The following MED27 variants were observed in gnomAD, a reference collection of about 807,000 sequenced individuals.
The protein encoded by MED27 is mediator of RNA polymerase II transcription subunit 27.
A neutral mutation model predicts 38.2 loss-of-function variants in MED27; 30 were observed. The observed-to-expected ratio is 0.79, with a 90% CI of 0.59 to 1.07. The LOEUF (loss-of-function observed/expected upper bound fraction) is 1.07, where lower values mean the gene tolerates loss of function less well. Ranked by LOEUF, MED27 falls within the 50% of genes least tolerant of loss-of-function variation. The probability of loss-of-function intolerance (pLI) is 0.00; values close to 1 mark genes in which losing one functional copy is unlikely to be tolerated. For synonymous variants in MED27, 122 were observed against 153.5 expected, an observed-to-expected ratio of 0.79 and a Z score of 1.52; for missense variants, 289 against 397.5, an observed-to-expected ratio of 0.73 and a Z score of 2.32.
chr9:132,024,716 A>G (rs1399386423), intron 2 of MED27, among the ~76,000 whole-genome samples: 3 of 152,202 alleles, frequency 2.0e-5, no homozygotes, highest in Non-Finnish European at 4.4e-5. Flanking sequence ...ATCAAATCCT[A>G]AGGACAATCG....
At chr9:131,896,857 G>C (rs1829840776) in intron 4 of MED27, among the ~76,000 whole-genome samples, 1 of 152,162 alleles carries the variant, frequency 6.6e-6, no homozygotes, top group Non-Finnish European at 1.5e-5. Flanking sequence ...TCAGCCTCCT[G>C]AGTAGCTGGG....
chr9:132,038,190 T>G (rs1011234369), intron 2 of MED27, among the ~76,000 whole-genome samples: 2 of 137,472 alleles, frequency 1.5e-5, no homozygotes, highest in Non-Finnish European at 3.1e-5. Flanking sequence ...GCATCCTTCT[T>G]TTTTTTTTTT....
intron 6 of MED27, among the ~76,000 whole-genome samples, chr9:131,869,680 G>T (rs1210737627): frequency 6.6e-6 from 1 of 152,182 alleles, no homozygotes; most frequent in African/African-American, 2.4e-5. Context: ...GTGAGGCAGG[G>T]GTCCCTGAAG....
Position 131,872,480 on chromosome 9 carries a change from C to T in MED27, c.724-9340G>A, listed in dbSNP as rs1037530314. Among the ~76,000 whole-genome samples the T allele has an allele frequency of 2.6e-5, 4 of 152,224 alleles. No individual in the cohort carries two copies. The highest frequency in any genetic ancestry group is 9.6e-5 in the African/African-American group (4 of 41,454). On this transcript the variant is annotated intron_variant, in intron 6 of 7. Coordinates refer to ENST00000292035, the MANE Select transcript of MED27 (RefSeq NM_004269.4). The surrounding 1 kb of genome is among the most constrained non-coding windows in gnomAD (Gnocchi z 5.6). ...CTGGTAGGGACCCAGACTGTGGCTT[C>T]CCTCCAGCCAATATCGGCTTCTACG... is the stretch of plus-strand genomic sequence containing the variant.
intron 6 of MED27, among the ~76,000 whole-genome samples, chr9:131,864,130 T>C (rs878861813): frequency 6.6e-6 from 1 of 152,174 alleles, no homozygotes; most frequent in Non-Finnish European, 1.5e-5. Flanking sequence ...ATGTTCAAAG[T>C]AATGGTTTAC....
intron 2 of MED27, among the ~76,000 whole-genome samples, chr9:132,016,480 CAA>C (rs576058237): frequency 8.8e-4 from 134 of 152,230 alleles, no homozygotes; most frequent in African/African-American, 3.1e-3. Flanking sequence ...GAATTTTCCT[CAA>C]ATTTGTTTTT....
At chr9:131,928,882 T>C (rs950808165) in intron 4 of MED27, among the ~76,000 whole-genome samples, 8 of 152,238 alleles carry the variant, frequency 5.3e-5, no homozygotes, top group African/African-American at 1.9e-4. Context: ...AGGGAGACAG[T>C]AGCCTGGGTG....
intron 6 of MED27, among the ~76,000 whole-genome samples, chr9:131,882,686 A>G: frequency 6.6e-6 from 1 of 152,110 alleles, no homozygotes; most frequent in Middle Eastern, 3.4e-3. Flanking sequence ...CTTCATCCCC[A>G]CTTCACGGGG....
intron 2 of MED27, among the ~76,000 whole-genome samples, chr9:132,067,939 C>T (rs1833845935): frequency 6.6e-6 from 1 of 152,174 alleles, no homozygotes; most frequent in South Asian, 2.1e-4. Flanking sequence ...GTCTCCATCT[C>T]CTGACCTCGT....
At chr9:132,053,126 A>G (rs976687697) in intron 2 of MED27, among the ~76,000 whole-genome samples, 35 of 152,106 alleles carry the variant, frequency 2.3e-4, no homozygotes, top group African/African-American at 8.2e-4. Flanking sequence ...GGTTGCAGGC[A>G]CCTGTAGTCC....
intron 4 of MED27, among the ~76,000 whole-genome samples, chr9:131,914,621 G>A (rs1026838522): frequency 2.0e-5 from 3 of 152,216 alleles, no homozygotes; most frequent in Non-Finnish European, 4.4e-5. Flanking sequence ...CAAATAACAT[G>A]GGGAAGAGAT....
chr9:131,917,444 G>A lies in MED27; in HGVS notation c.573+21937C>T, dbSNP rs1830312976. Among the ~76,000 whole-genome samples, 1 of 152,128 alleles carries A rather than the reference G, an allele frequency of 6.6e-6. No individual in the cohort carries two copies. Reference sequence around the variant, plus strand: ...CAGACTGGCATCTCTGGAATGATGAGTCCAGTGTGGAAGATGAGGGGAGGC... The same window carrying A: ...CAGACTGGCATCTCTGGAATGATGAATCCAGTGTGGAAGATGAGGGGAGGC... On this transcript the variant is annotated intron_variant, in intron 4 of 7. Coordinates refer to ENST00000292035, the MANE Select transcript of MED27 (RefSeq NM_004269.4). The surrounding 1 kb of genome is among the most constrained non-coding windows in gnomAD (Gnocchi z 4.6).
At chr9:132,018,114 C>T (rs1217773369) in intron 2 of MED27, among the ~76,000 whole-genome samples, 1 of 152,168 alleles carries the variant, frequency 6.6e-6, no homozygotes, top group Non-Finnish European at 1.5e-5. Context: ...AGAAAATATG[C>T]ATGACATTTT....
intron 3 of MED27, among the ~76,000 whole-genome samples, chr9:131,947,445 CTAAT>C (rs1025468158): frequency 7.2e-5 from 11 of 152,288 alleles, no homozygotes; most frequent in African/African-American, 2.4e-4. Flanking sequence ...TTTTAATGAA[CTAAT>C]TAATTCTGCA....
intron 3 of MED27, among the ~76,000 whole-genome samples, chr9:131,972,254 A>G (rs1327646827): frequency 1.3e-5 from 2 of 152,204 alleles, no homozygotes; most frequent in African/African-American, 4.8e-5. Flanking sequence ...TCCAATTTAC[A>G]GTTGGAGCAA....
intron 2 of MED27, among the ~76,000 whole-genome samples, chr9:132,027,572 C>T (rs942450159): frequency 3.3e-5 from 5 of 152,232 alleles, no homozygotes; most frequent in Non-Finnish European, 5.9e-5. Flanking sequence ...TGCCAGTACA[C>T]AGCCATAATT....
In MED27 at chr9:131,897,220, G is replaced by A. The variant is rs572631447; in HGVS notation, c.574-3228C>T. Among the ~76,000 whole-genome samples, 6 of 152,254 alleles carry A rather than the reference G, an allele frequency of 3.9e-5. No individual in the cohort carries two copies. The East Asian group carries it at 1.2e-3, about 29-fold the overall frequency. On this transcript the variant is annotated intron_variant, in intron 4 of 7. Coordinates refer to ENST00000292035, the MANE Select transcript of MED27 (RefSeq NM_004269.4). ...CCAAGTTTCCCCTAATATAAATATG[G>A]CCACAGTGTATATTTTTGTTCACAA...
At chr9:131,869,483 TC>T (rs1222925926) in intron 6 of MED27, 1 of 898,554 alleles carries the variant, frequency 1.1e-6, no homozygotes, top group East Asian at 1.2e-4. Flanking sequence ...CTAATGAGAT[TC>T]CGCTGGGAGA....
At chr9:131,881,797 C>CTTT (rs1564266792) in intron 6 of MED27, among the ~76,000 whole-genome samples, 1 of 53,780 alleles carries the variant, frequency 1.9e-5, no homozygotes, top group African/African-American at 5.2e-5. Context: ...CCTTCTTCTT[C>CTTT]TTCTTTTTTT....
Sources: allele counts gnomAD v4.1 joint callset (sites outside exome capture counted in the v4.1 genomes callset), GRCh38; gene constraint gnomAD v4.1.1; non-coding constraint Gnocchi (gnomAD v3.1); transcripts MANE v1.5; gene names NCBI Gene and HGNC (gene_info 2026-07-23, HGNC 2026-07-21).